HEMK2: variants seen among roughly 807,000 people sequenced by gnomAD.
The protein encoded by HEMK2 is methyltransferase HEMK2.
chr21:28,588,009 G>A, the HEMK2 span, among the ~76,000 whole-genome samples: 4 of 152,306 alleles, frequency 2.6e-5, no homozygotes, highest in South Asian at 8.3e-4. Flanking sequence ...GAAAGATCAG[G>A]ACTATTAAAT....
the HEMK2 span, among the ~76,000 whole-genome samples, chr21:28,809,916 G>C: frequency 2.0e-3 from 298 of 152,240 alleles, 4 homozygotes; most frequent in African/African-American, 7.0e-3. Flanking sequence ...AACCTTGTAA[G>C]GTTATCCATT....
the HEMK2 span, among the ~76,000 whole-genome samples, chr21:28,852,242 A>G: frequency 1.5e-4 from 23 of 152,262 alleles, no homozygotes; most frequent in Non-Finnish European, 2.8e-4. Context: ...TTTCCACCAT[A>G]ATAGCCCTCA....
At chr21:28,863,875 C>T in the HEMK2 span, among the ~76,000 whole-genome samples, 16,356 of 152,112 alleles carry the variant, frequency 0.11, 1,298 homozygotes, top group African/African-American at 0.22. Flanking sequence ...TCGCCCAGGC[C>T]GGAGTGCAGT....
At chr21:28,860,304 T>C in the HEMK2 span, among the ~76,000 whole-genome samples, 1 of 152,110 alleles carries the variant, frequency 6.6e-6, no homozygotes, top group South Asian at 2.1e-4. Context: ...TCTCCCCTGC[T>C]GGATGCTTCC....
the HEMK2 span, among the ~76,000 whole-genome samples, chr21:28,752,362 T>C: frequency 6.6e-6 from 1 of 152,184 alleles, no homozygotes; most frequent in Non-Finnish European, 1.5e-5. Context: ...CAGTTAGTAG[T>C]ACCTCACTTG....
At chr21:28,763,708 C>T in the HEMK2 span, among the ~76,000 whole-genome samples, 1 of 152,228 alleles carries the variant, frequency 6.6e-6, no homozygotes, top group Middle Eastern at 3.4e-3. Context: ...AAAGGGGAAG[C>T]TATGTCATCA....
the HEMK2 span, among the ~76,000 whole-genome samples, chr21:28,858,563 G>C: frequency 7.9e-5 from 12 of 151,972 alleles, no homozygotes; most frequent in African/African-American, 2.7e-4. Flanking sequence ...AGGGAGGAAA[G>C]GAGGAAGGGA....
At chr21:28,814,282 A>G in the HEMK2 span, among the ~76,000 whole-genome samples, 1 of 150,600 alleles carries the variant, frequency 6.6e-6, no homozygotes, top group Non-Finnish European at 1.5e-5. Context: ...AAAACCCTAG[A>G]AGAAAACCTA....
the HEMK2 span, among the ~76,000 whole-genome samples, chr21:28,623,671 C>A: frequency 6.6e-6 from 1 of 152,164 alleles, no homozygotes; most frequent in Non-Finnish European, 1.5e-5. Flanking sequence ...AGGATGAGTT[C>A]ATGTCCTTTG....
At chr21:28,883,239 T>C in the HEMK2 span, among the ~76,000 whole-genome samples, 1 of 152,204 alleles carries the variant, frequency 6.6e-6, no homozygotes, top group Non-Finnish European at 1.5e-5. Flanking sequence ...TTGTACTTAA[T>C]ATTGCATAAC....
chr21:28,867,537 C>T, the HEMK2 span, among the ~76,000 whole-genome samples: 2 of 152,112 alleles, frequency 1.3e-5, no homozygotes, highest in Non-Finnish European at 2.9e-5. Context: ...CACTTGCAAC[C>T]CAAATTAGTC....
At chr21:28,695,758 G>A in the HEMK2 span, among the ~76,000 whole-genome samples, 9 of 132,782 alleles carry the variant, frequency 6.8e-5, no homozygotes, top group Non-Finnish European at 1.4e-4. Flanking sequence ...AACCAATCAT[G>A]CCTTCCCAAT....
At chr21:28,762,346 A>C in the HEMK2 span, among the ~76,000 whole-genome samples, 1 of 152,094 alleles carries the variant, frequency 6.6e-6, no homozygotes, top group Non-Finnish European at 1.5e-5. Context: ...TCTGCTTGAC[A>C]TATGAAGGTT....
At chr21:28,751,842 G>A in the HEMK2 span, among the ~76,000 whole-genome samples, 1 of 152,092 alleles carries the variant, frequency 6.6e-6, no homozygotes, top group South Asian at 2.1e-4. Context: ...ATTACGTCCA[G>A]CTAATTTTGT....
chr21:28,841,262 A>T, the HEMK2 span, among the ~76,000 whole-genome samples: 1 of 5,138 alleles, frequency 1.9e-4, no homozygotes, highest in Non-Finnish European at 2.7e-4. Context: ...TATTATATAT[A>T]ATATATATTA....
the HEMK2 span, among the ~76,000 whole-genome samples, chr21:28,852,646 G>A: frequency 3.9e-5 from 6 of 152,242 alleles, no homozygotes; most frequent in African/African-American, 1.4e-4. Flanking sequence ...AAAAAGACCC[G>A]ACCTCTCCTT....
At chr21:28,676,947 C>G in the HEMK2 span, among the ~76,000 whole-genome samples, 1 of 152,158 alleles carries the variant, frequency 6.6e-6, no homozygotes, top group Non-Finnish European at 1.5e-5. Flanking sequence ...AGGAACAGCT[C>G]CAGTCTACAG....
chr21:28,845,354 C>A, the HEMK2 span, among the ~76,000 whole-genome samples: 3 of 152,060 alleles, frequency 2.0e-5, no homozygotes, highest in African/African-American at 7.2e-5. Flanking sequence ...ATACTAATAT[C>A]CAGTAAGACA....
the HEMK2 span, among the ~76,000 whole-genome samples, chr21:28,852,202 G>A: frequency 1.3e-5 from 2 of 152,170 alleles, no homozygotes; most frequent in African/African-American, 2.4e-5. Context: ...TTTCTAGGTA[G>A]AGGCAGCTCT....
Sources: allele counts gnomAD v4.1 joint callset (sites outside exome capture counted in the v4.1 genomes callset), GRCh38; gene constraint gnomAD v4.1.1; transcripts MANE v1.5; gene names NCBI Gene and HGNC (gene_info 2026-07-23, HGNC 2026-07-21).